YWHAB: variants seen among roughly 807,000 people sequenced by gnomAD.
YWHAB encodes 14-3-3 protein beta/alpha.
A neutral mutation model predicts 28.5 loss-of-function variants in YWHAB; 2 were observed. The observed-to-expected ratio is 0.07, with a 90% confidence interval of 0.03 to 0.22. The LOEUF is 0.22. Among genes scored for constraint, YWHAB ranks in the 10% least tolerant of loss-of-function variants. YWHAB has a pLI of 1.00. For synonymous variants in YWHAB, 103 were observed against 104.7 expected, an observed-to-expected ratio of 0.98 and a Z score of 0.10; for missense variants, 148 against 297.1, an observed-to-expected ratio of 0.50 and a Z score of 3.69.
At chr20:44,902,121 T>TA (rs1191350086) in intron 2 of YWHAB, 1 of 297,562 alleles carries the variant, frequency 3.4e-6, no homozygotes, top group African/African-American at 2.1e-5. Flanking sequence ...TGAGGCCAGA[T>TA]AGACAGGATT....
chr20:44,903,186 C>T (rs1000854217), intron 2 of YWHAB: 1 of 749,888 alleles, frequency 1.3e-6, no homozygotes. Context: ...GTGCTTACTA[C>T]GTGCCAGGCA....
At chr20:44,892,974 C>G (rs568979917) in intron 1 of YWHAB, among the ~76,000 whole-genome samples, 4 of 152,260 alleles carry the variant, frequency 2.6e-5, no homozygotes, top group Non-Finnish European at 5.9e-5. Flanking sequence ...CGAGCATGTT[C>G]TTTGCCTTGA....
Position 44,893,592 on chromosome 20 carries a change from C to CA in YWHAB, c.-4+7706_-4+7707insA, listed in dbSNP as rs1601090074. 3.9e-5 allele frequency among the ~76,000 whole-genome samples: 6 copies of CA among 152,004 alleles called. No homozygotes were observed. The East Asian group carries it at 1.2e-3, about 29-fold the overall frequency. ...AAATAAAATATTGTGCAGCCTCGTC[C>CA]CTCCAGCCCCCATTGCTCTTAAATA... On this transcript the variant is annotated intron_variant, in intron 1 of 5. Coordinates refer to ENST00000353703, the MANE Select transcript of YWHAB (RefSeq NM_139323.4).
chr20:44,893,532 TC>T (rs1601090014), intron 1 of YWHAB, among the ~76,000 whole-genome samples: 1 of 152,112 alleles, frequency 6.6e-6, no homozygotes, highest in East Asian at 1.9e-4. Context: ...ACCTTTCTGT[TC>T]GGGTTTGTTT....
At chr20:44,889,086 C>G (rs556595266) in intron 1 of YWHAB, among the ~76,000 whole-genome samples, 1 of 152,226 alleles carries the variant, frequency 6.6e-6, no homozygotes, top group Non-Finnish European at 1.5e-5. Context: ...TTCCTTGTTT[C>G]TACATTTTTC....
chr20:44,897,164 T>C (rs2066600706), intron 1 of YWHAB, among the ~76,000 whole-genome samples: 1 of 152,220 alleles, frequency 6.6e-6, no homozygotes, highest in African/African-American at 2.4e-5. Context: ...GATTTAACTT[T>C]TAATCCTTGA....
intron 1 of YWHAB, among the ~76,000 whole-genome samples, chr20:44,888,466 G>A (rs117010345): frequency 1.3e-5 from 2 of 152,172 alleles, no homozygotes; most frequent in East Asian, 1.9e-4. Context: ...CACACACAGC[G>A]CAAGGTAAGT....
At chr20:44,892,451 T>C (rs1026156926) in intron 1 of YWHAB, among the ~76,000 whole-genome samples, 2 of 152,106 alleles carry the variant, frequency 1.3e-5, no homozygotes, top group Admixed American at 6.6e-5. Context: ...GTAATAGATA[T>C]ACATGTGCTC....
At chr20:44,899,800 G>A (rs1031801388) in intron 1 of YWHAB, among the ~76,000 whole-genome samples, 35 of 152,162 alleles carry the variant, frequency 2.3e-4, no homozygotes, top group Non-Finnish European at 3.8e-4. Context: ...ATAAACTGAA[G>A]TCACTAGGAT....
chr20:44,893,673 C>T (rs767886514), intron 1 of YWHAB, among the ~76,000 whole-genome samples: 1 of 146,368 alleles, frequency 6.8e-6, no homozygotes, highest in Non-Finnish European at 1.5e-5. Flanking sequence ...CTTGTACCAT[C>T]TATCTCCTTC....
intron 1 of YWHAB, among the ~76,000 whole-genome samples, chr20:44,889,018 T>G: frequency 6.6e-6 from 1 of 152,228 alleles, no homozygotes; most frequent in East Asian, 1.9e-4. Context: ...TGAGTTTTCC[T>G]TTAAATGCTG....
At chr20:44,897,466 G>C (rs577246355) in intron 1 of YWHAB, among the ~76,000 whole-genome samples, 6 of 152,292 alleles carry the variant, frequency 3.9e-5, no homozygotes, top group Non-Finnish European at 5.9e-5. Context: ...TTGAAAGTTG[G>C]CTTCTTTCTG....
At chr20:44,897,837 A>C (rs2066604700) in intron 1 of YWHAB, among the ~76,000 whole-genome samples, 1 of 152,166 alleles carries the variant, frequency 6.6e-6, no homozygotes, top group Admixed American at 6.5e-5. Flanking sequence ...CCAGCATCTC[A>C]ATGTTTTAAC....
At position 44,898,419 on chromosome 20, in the gene YWHAB, G is replaced by A. The variant is rs1020280015; in HGVS notation, c.-3-3112G>A. 3.4e-4 allele frequency among the ~76,000 whole-genome samples: 52 copies of A among 152,072 alleles called. 1 individual carries two copies. Among genetic ancestry groups the A allele is most frequent in the African/African-American group, 1.3e-3 (52 of 41,416 alleles). Reference sequence around the variant, plus strand: ...CCCTAAAACATTTTTAGGTGATAAGGCCCTGTGTGTAGAATTTCTCTCTTG... The same window carrying A: ...CCCTAAAACATTTTTAGGTGATAAGACCCTGTGTGTAGAATTTCTCTCTTG... On this transcript the variant is annotated intron_variant, in intron 1 of 5. Coordinates refer to ENST00000353703, the MANE Select transcript of YWHAB (RefSeq NM_139323.4).
intron 1 of YWHAB, among the ~76,000 whole-genome samples, chr20:44,893,847 C>T (rs556387323): frequency 6.6e-5 from 10 of 151,990 alleles, no homozygotes; most frequent in East Asian, 1.9e-4. Flanking sequence ...TACAGTCATA[C>T]ACCACCCCGG....
chr20:44,887,248 G>A (rs992862334), intron 1 of YWHAB: 4 of 152,158 alleles, frequency 2.6e-5, no homozygotes, highest in Non-Finnish European at 5.9e-5. Context: ...TGTAAAACCT[G>A]TCAATCTTAT....
At chr20:44,896,263 AT>A (rs1249920497) in intron 1 of YWHAB, among the ~76,000 whole-genome samples, 1 of 152,212 alleles carries the variant, frequency 6.6e-6, no homozygotes, top group Non-Finnish European at 1.5e-5. Flanking sequence ...TGATTTCAAT[AT>A]GTGGCACTAG....
At chr20:44,894,215 A>G (rs1364776046) in intron 1 of YWHAB, among the ~76,000 whole-genome samples, 2 of 152,208 alleles carry the variant, frequency 1.3e-5, no homozygotes, top group African/African-American at 2.4e-5. Context: ...TATGCCCAGC[A>G]CAAGGAAAAT....
Position 44,906,549 on chromosome 20 carries a change from G to T in YWHAB, c.*111G>T. 1 of 965,388 alleles carries T rather than the reference G, an allele frequency of 1.0e-6. No individual in the cohort carries two copies. Among genetic ancestry groups the T allele is most frequent in the Non-Finnish European group, 1.5e-6 (1 of 684,238 alleles). The allele number at this position is 965,388 out of a possible 1,614,324, so 59.8% of individuals were successfully genotyped here. A position where few individuals can be genotyped will look rare whatever the true frequency, so the allele number is the denominator to read the frequency against. ...AAAAGAGAATCGTACGTCGACTTTCGATTTTTCACAGCCTCAGCCTAGGAA... is the reference window on the plus strand; with the variant it reads ...AAAAGAGAATCGTACGTCGACTTTCTATTTTTCACAGCCTCAGCCTAGGAA... On this transcript the variant is annotated 3_prime_UTR_variant, in exon 6 of 6. Transcript: ENST00000353703.
Sources: allele counts gnomAD v4.1 joint callset (sites outside exome capture counted in the v4.1 genomes callset), GRCh38; gene constraint gnomAD v4.1.1; transcripts MANE v1.5; gene names NCBI Gene and HGNC (gene_info 2026-07-23, HGNC 2026-07-21).